LRRC4C: variants seen among roughly 807,000 people sequenced by gnomAD.
LRRC4C encodes leucine rich repeat containing 4C.
LRRC4C carries 5 observed loss-of-function variants against 33.6 expected under a neutral mutation model. The ratio of observed to expected loss-of-function variants is 0.15; its 90% CI spans 0.08 to 0.31. The LOEUF (loss-of-function observed/expected upper bound fraction) is 0.31. Among genes scored for constraint, LRRC4C ranks in the 10% least tolerant of loss-of-function variants. LRRC4C has a pLI of 1.00. For missense variants in LRRC4C, 560 were observed against 796.7 expected (o/e 0.70, Z 3.58); for synonymous variants, 329 against 302.0 (o/e 1.09, Z -0.93).
chr11:40,484,002 A>T (rs1482339054), intron 3 of LRRC4C, among the ~76,000 whole-genome samples: 4 of 152,096 alleles, frequency 2.6e-5, no homozygotes, highest in Non-Finnish European at 5.9e-5. Flanking sequence ...TGGGTAAATA[A>T]AAAACAGTAC....
chr11:40,970,576 C>A (rs1027634141), intron 1 of LRRC4C, among the ~76,000 whole-genome samples: 4 of 152,222 alleles, frequency 2.6e-5, no homozygotes, highest in Non-Finnish European at 5.9e-5. Context: ...TGGTACTGAG[C>A]AAAGGGACAT....
chr11:41,387,411 A>C (rs1394505476), intron 1 of LRRC4C, among the ~76,000 whole-genome samples: 2 of 151,732 alleles, frequency 1.3e-5, no homozygotes, highest in East Asian at 3.9e-4. Flanking sequence ...AGTTTTCTAA[A>C]TCACAGTCAA....
intron 3 of LRRC4C, among the ~76,000 whole-genome samples, chr11:40,408,078 A>G (rs1212070772): frequency 6.6e-6 from 1 of 152,010 alleles, no homozygotes; most frequent in Non-Finnish European, 1.5e-5. Context: ...ACCCTACAGT[A>G]TTATACCACC....
At chr11:40,903,371 G>A (rs1263305505) in intron 2 of LRRC4C, among the ~76,000 whole-genome samples, 1 of 152,184 alleles carries the variant, frequency 6.6e-6, no homozygotes, top group South Asian at 2.1e-4. Flanking sequence ...CAGCAGCTCT[G>A]CTGTACAAGT....
At chr11:40,938,143 T>G (rs1957987548) in intron 1 of LRRC4C, among the ~76,000 whole-genome samples, 1 of 152,178 alleles carries the variant, frequency 6.6e-6, no homozygotes. Context: ...GTAGTTATCC[T>G]GCATTGGCAG....
chr11:41,221,680 G>A (rs1053358128), intron 1 of LRRC4C, among the ~76,000 whole-genome samples: 6 of 152,144 alleles, frequency 3.9e-5, no homozygotes, highest in African/African-American at 1.4e-4. Flanking sequence ...ACTGGATAAA[G>A]ACATTCTATA....
chr11:41,146,507 C>A (rs552383472), intron 1 of LRRC4C, among the ~76,000 whole-genome samples: 1 of 152,164 alleles, frequency 6.6e-6, no homozygotes, highest in South Asian at 2.1e-4. Flanking sequence ...TTCTTTGATT[C>A]TTTACATTGT....
intron 2 of LRRC4C, among the ~76,000 whole-genome samples, chr11:40,688,622 T>C (rs988992702): frequency 3.3e-5 from 5 of 152,066 alleles, no homozygotes; most frequent in African/African-American, 1.2e-4. Context: ...ATAGGATGGA[T>C]GCTCTGTGGA....
intron 3 of LRRC4C, among the ~76,000 whole-genome samples, chr11:40,351,982 C>T (rs1355050767): frequency 6.6e-6 from 1 of 151,992 alleles, no homozygotes; most frequent in Non-Finnish European, 1.5e-5. Context: ...TTCGGCCACT[C>T]TATGTCTTTT....
At chr11:40,238,236 C>G (rs1167304239) in intron 5 of LRRC4C, among the ~76,000 whole-genome samples, 1 of 152,160 alleles carries the variant, frequency 6.6e-6, no homozygotes. Context: ...AAAACAAATA[C>G]CCCACACTGT....
chr11:40,715,458 C>T (rs1409856804), intron 2 of LRRC4C, among the ~76,000 whole-genome samples: 1 of 152,114 alleles, frequency 6.6e-6, no homozygotes, highest in East Asian at 1.9e-4. Context: ...AAAAATAGTA[C>T]CACTGTATTG....
intron 2 of LRRC4C, among the ~76,000 whole-genome samples, chr11:40,711,418 G>C (rs1564964544): frequency 6.6e-6 from 1 of 152,088 alleles, no homozygotes; most frequent in Non-Finnish European, 1.5e-5. Flanking sequence ...ATCTTCCCCA[G>C]TTATTGATCA....
At chr11:41,381,628 A>G (rs201942761) in intron 1 of LRRC4C, among the ~76,000 whole-genome samples, 29 of 40,396 alleles carry the variant, frequency 7.2e-4, no homozygotes, top group South Asian at 9.6e-4. Context: ...CTCTGCTTCA[A>G]AAAAAAAAAA....
intron 3 of LRRC4C, among the ~76,000 whole-genome samples, chr11:40,571,780 T>C (rs1170539247): frequency 1.3e-5 from 2 of 152,194 alleles, no homozygotes; most frequent in Admixed American, 1.3e-4. Flanking sequence ...CAGGTTTTAT[T>C]GGCAACTTTT....
At position 41,205,200 on chromosome 11, in the gene LRRC4C, C is replaced by T. The variant is rs909195785; in HGVS notation, c.-496+254231G>A. On this transcript the variant is annotated intron_variant, in intron 1 of 6. Coordinates refer to ENST00000528697, the MANE Select transcript of LRRC4C (RefSeq NM_001258419.2). ...ATTAGGGATAAGCTGGAGATTCAAA[C>T]ATGGATAGATCATACAGAGCTATAT... 5.3e-5 allele frequency among the ~76,000 whole-genome samples: 8 copies of T among 152,134 alleles called. No homozygotes were observed. The East Asian group carries it at 1.5e-3, about 29-fold the overall frequency.
chr11:41,331,245 C>T (rs916536334), intron 1 of LRRC4C, among the ~76,000 whole-genome samples: 4 of 152,164 alleles, frequency 2.6e-5, no homozygotes, highest in Non-Finnish European at 5.9e-5. Context: ...GTTATTCCTT[C>T]CTAGTCCTTC....
At chr11:40,464,700 AAATC>A (rs1487351360) in intron 3 of LRRC4C, among the ~76,000 whole-genome samples, 3 of 152,078 alleles carry the variant, frequency 2.0e-5, no homozygotes, top group Admixed American at 6.6e-5. Context: ...GCTGAGAACC[AAATC>A]AATCAGTCAA....
chr11:40,273,982 C>G (rs924428515), intron 4 of LRRC4C, among the ~76,000 whole-genome samples: 1 of 152,006 alleles, frequency 6.6e-6, no homozygotes, highest in African/African-American at 2.4e-5. Context: ...TGGGCAGTGG[C>G]TATAGGGCAT....
intron 2 of LRRC4C, among the ~76,000 whole-genome samples, chr11:40,833,701 T>C (rs1952524142): frequency 6.6e-6 from 1 of 152,156 alleles, no homozygotes; most frequent in South Asian, 2.1e-4. Flanking sequence ...TATTTTAAAT[T>C]ATTATTCTTA....
Sources: gnomAD v4.1 joint callset for allele counts (sites outside exome capture counted in the v4.1 genomes callset) on GRCh38, gnomAD v4.1.1 for gene constraint, MANE v1.5 for transcripts, NCBI Gene and HGNC (gene_info 2026-07-23, HGNC 2026-07-21) for gene names.